Variants in CSMD1 observed in about 807,000 individuals in gnomAD.
CSMD1 encodes CUB and sushi domain-containing protein 1.
In CSMD1, 213 loss-of-function variants were observed where a neutral mutation model predicts 417.5. The ratio of observed to expected loss-of-function variants is 0.51; its 90% confidence interval spans 0.46 to 0.57. The LOEUF is 0.57. Among genes scored for constraint, CSMD1 ranks in the 20% least tolerant of loss-of-function variants. The pLI is 0.00. For synonymous variants in CSMD1, 2,862 were observed against 1,736.8 expected (o/e 1.65, Z -16.11); for missense variants, 6,923 against 4,529.7 (o/e 1.53, Z -15.17).
At chr8:4,433,924 A>C (rs1343470602) in intron 2 of CSMD1, among the ~76,000 whole-genome samples, 1 of 152,142 alleles carries the variant, frequency 6.6e-6, no homozygotes, top group African/African-American at 2.4e-5. Context: ...CACAGCAAAA[A>C]AGGGGGAAAC....
intron 12 of CSMD1, among the ~76,000 whole-genome samples, chr8:3,446,050 C>G (rs542349036): frequency 6.6e-6 from 1 of 151,986 alleles, no homozygotes; most frequent in Non-Finnish European, 1.5e-5. Context: ...ACATTTTTGA[C>G]AAGAAGGTGA....
At position 4,827,977 on chromosome 8, in the gene CSMD1, C is replaced by G. The variant is rs1031682220; in HGVS notation, c.85+166355G>C. On this transcript the variant is annotated intron_variant, in intron 1 of 69. Transcript: ENST00000635120. ...TGCTGACTAAAACTTAGAATTTTAA[C>G]CATCACATAATAAACTTTATAATGC... Among the ~76,000 whole-genome samples, 4 of 152,242 alleles carry G rather than the reference C, an allele frequency of 2.6e-5. No individual in the cohort carries two copies. The East Asian group carries it at 7.7e-4, about 29-fold the overall frequency.
intron 5 of CSMD1, among the ~76,000 whole-genome samples, chr8:3,862,043 C>T (rs1463829988): frequency 1.3e-5 from 2 of 152,184 alleles, no homozygotes; most frequent in African/African-American, 4.8e-5. Context: ...CCATTGCTTG[C>T]TAAATCAAAG....
chr8:4,213,189 T>G (rs973483005), intron 3 of CSMD1, among the ~76,000 whole-genome samples: 1 of 152,304 alleles, frequency 6.6e-6, no homozygotes, highest in East Asian at 1.9e-4. Context: ...TAGTTGAGAA[T>G]GTGAATCATA....
chr8:4,842,861 T>C (rs1800920939), intron 1 of CSMD1, among the ~76,000 whole-genome samples: 1 of 152,190 alleles, frequency 6.6e-6, no homozygotes. Context: ...TTTTCAACGC[T>C]TAAAGGCTTA....
intron 5 of CSMD1, among the ~76,000 whole-genome samples, chr8:3,927,928 G>A (rs192385204): frequency 6.6e-6 from 1 of 151,908 alleles, no homozygotes; most frequent in East Asian, 1.9e-4. Context: ...CAAATTCTTT[G>A]TTTTGTTAGA....
At chr8:4,091,701 C>T (rs936875913) in intron 3 of CSMD1, among the ~76,000 whole-genome samples, 1 of 152,160 alleles carries the variant, frequency 6.6e-6, no homozygotes, top group Non-Finnish European at 1.5e-5. Context: ...CTTAGGAAAG[C>T]TGATAAAGGC....
chr8:4,723,242 G>T (rs1040282540), intron 1 of CSMD1, among the ~76,000 whole-genome samples: 1 of 152,060 alleles, frequency 6.6e-6, no homozygotes, highest in East Asian at 1.9e-4. Context: ...GACATTTCAG[G>T]CAATTTTCTT....
rs544832330 is a variant in CSMD1, at chr8:3,988,632, A to G, written c.818+9271T>C. On this transcript the variant is annotated intron_variant, in intron 5 of 69. Coordinates refer to ENST00000635120, the MANE Select transcript of CSMD1 (RefSeq NM_033225.6). Reference sequence around the variant, plus strand: ...ACAGCTGGAGAGGAACGTTTAATAGATAAATATGTACTTCGGTCAAAATTC... The same window carrying G: ...ACAGCTGGAGAGGAACGTTTAATAGGTAAATATGTACTTCGGTCAAAATTC... 3.9e-5 allele frequency among the ~76,000 whole-genome samples: 6 copies of G among 152,332 alleles called. No individual in the cohort carries two copies. In the South Asian group the frequency reaches 1.2e-3, roughly 32 times the overall value.
chr8:4,428,041 A>C (rs1472721201), intron 2 of CSMD1, among the ~76,000 whole-genome samples: 1 of 152,156 alleles, frequency 6.6e-6, no homozygotes, highest in African/African-American at 2.4e-5. Flanking sequence ...TTTCATTGCT[A>C]TTGTTAAGAC....
intron 3 of CSMD1, among the ~76,000 whole-genome samples, chr8:4,327,027 G>C (rs542596300): frequency 6.6e-6 from 1 of 152,234 alleles, no homozygotes; most frequent in African/African-American, 2.4e-5. Flanking sequence ...GACCACAGAA[G>C]GTCAGTGGTA....
intron 3 of CSMD1, among the ~76,000 whole-genome samples, chr8:4,389,760 G>C (rs548029325): frequency 5.8e-4 from 88 of 151,968 alleles, no homozygotes; most frequent in South Asian, 4.6e-3. Flanking sequence ...TATATTGTTT[G>C]CTTCTTTATT....
At chr8:3,164,937 A>T (rs146499422) in intron 37 of CSMD1, among the ~76,000 whole-genome samples, 28 of 151,996 alleles carry the variant, frequency 1.8e-4, no homozygotes, top group African/African-American at 3.6e-4. Flanking sequence ...CCTTTCTTGA[A>T]TTCTATTCAA....
chr8:3,230,583 A>C (rs1798777011), intron 26 of CSMD1, among the ~76,000 whole-genome samples: 1 of 152,180 alleles, frequency 6.6e-6, no homozygotes, highest in Admixed American at 6.6e-5. Context: ...CCATACTGCA[A>C]ATTACATAAA....
intron 3 of CSMD1, among the ~76,000 whole-genome samples, chr8:4,211,161 G>A (rs994772971): frequency 1.3e-5 from 2 of 151,244 alleles, no homozygotes; most frequent in African/African-American, 4.9e-5. Context: ...AATTTATCCA[G>A]GAAAAACATC....
At chr8:4,663,304 A>G (rs1346624901) in intron 1 of CSMD1, among the ~76,000 whole-genome samples, 1 of 152,230 alleles carries the variant, frequency 6.6e-6, no homozygotes, top group Admixed American at 6.5e-5. Flanking sequence ...CATTGGACAA[A>G]GCCCATCTTT....
chr8:3,735,237 G>C (rs921389089), intron 6 of CSMD1, among the ~76,000 whole-genome samples: 2 of 152,068 alleles, frequency 1.3e-5, no homozygotes, highest in Admixed American at 6.6e-5. Flanking sequence ...TGTCTGATTT[G>C]GATATTTAGT....
intron 26 of CSMD1, among the ~76,000 whole-genome samples, chr8:3,256,076 C>G (rs1049189957): frequency 7.2e-5 from 11 of 151,998 alleles, no homozygotes; most frequent in African/African-American, 2.7e-4. Context: ...ACCTGTAATC[C>G]CAGGACTTTG....
intron 1 of CSMD1, among the ~76,000 whole-genome samples, chr8:4,691,198 G>T (rs1332783652): frequency 6.6e-6 from 1 of 152,192 alleles, no homozygotes; most frequent in Non-Finnish European, 1.5e-5. Context: ...CTGCAAATCA[G>T]CAGCAAACTC....
Sources: allele counts gnomAD v4.1 joint callset (sites outside exome capture counted in the v4.1 genomes callset), GRCh38; gene constraint gnomAD v4.1.1; transcripts MANE v1.5; gene names NCBI Gene and HGNC (gene_info 2026-07-23, HGNC 2026-07-21).